RFX4: variants seen among roughly 807,000 people sequenced by gnomAD.
RFX4 encodes the protein regulatory factor X4.
RFX4 carries 10 observed loss-of-function variants against 95.0 expected under a neutral mutation model. That is an observed-to-expected ratio of 0.11 (90% confidence interval 0.06 to 0.18). The LOEUF (loss-of-function observed/expected upper bound fraction) is 0.18. Ranked by LOEUF, RFX4 falls within the 10% of genes least tolerant of loss-of-function variation. RFX4 has a pLI of 1.00. For synonymous variants in RFX4, 321 were observed against 340.7 expected (o/e 0.94, Z 0.64); for missense variants, 640 against 922.0 (o/e 0.69, Z 3.96).
intron 2 of RFX4, among the ~76,000 whole-genome samples, chr12:106,626,303 G>A (rs1173302369): frequency 6.6e-6 from 1 of 152,200 alleles, no homozygotes; most frequent in Non-Finnish European, 1.5e-5. Flanking sequence ...CTCTGGGGAA[G>A]GCATCTTGGA....
At chr12:106,621,010 C>G (rs1427194319) in intron 2 of RFX4, among the ~76,000 whole-genome samples, 2 of 152,094 alleles carry the variant, frequency 1.3e-5, no homozygotes, top group Non-Finnish European at 1.5e-5. Context: ...GTTGTCTTCC[C>G]TTGTTCCCTA....
intron 17 of RFX4, among the ~76,000 whole-genome samples, chr12:106,753,882 C>A (rs1250351274): frequency 6.6e-6 from 1 of 152,168 alleles, no homozygotes; most frequent in Admixed American, 6.5e-5. Flanking sequence ...AAGATCAGAG[C>A]TATGATTAAG....
chr12:106,629,488 T>G (rs536763947), intron 2 of RFX4, among the ~76,000 whole-genome samples: 1 of 152,110 alleles, frequency 6.6e-6, no homozygotes, highest in African/African-American at 2.4e-5. Context: ...TTTTGTTTTG[T>G]TTTTGTTTTT....
chr12:106,739,325 T>C (rs922372543), intron 15 of RFX4, among the ~76,000 whole-genome samples: 4 of 152,242 alleles, frequency 2.6e-5, no homozygotes, highest in African/African-American at 9.6e-5. Flanking sequence ...GCCAGTCAAG[T>C]ACCTGGGACT....
chr12:106,625,660 G>T (rs973042932), intron 2 of RFX4, among the ~76,000 whole-genome samples: 1 of 152,180 alleles, frequency 6.6e-6, no homozygotes, highest in Admixed American at 6.5e-5. Context: ...TTCTGCAAAA[G>T]TTGGGCCCAG....
intron 3 of RFX4, among the ~76,000 whole-genome samples, chr12:106,648,354 C>G (rs1156367809): frequency 2.0e-5 from 3 of 152,004 alleles, no homozygotes; most frequent in Non-Finnish European, 4.4e-5. Flanking sequence ...AAGAGGTATA[C>G]GTGTGGGAAA....
rs117873558 is a variant in RFX4 at position 106,691,048 on chromosome 12, A to G, written c.669+1684A>G. Among the ~76,000 whole-genome samples, 381 of 152,340 alleles carry G rather than the reference A, an allele frequency of 2.5e-3. 6 individuals are homozygous for G. The East Asian group carries it at 0.044, about 18-fold the overall frequency. On this transcript the variant is annotated intron_variant, in intron 7 of 17. Transcript: ENST00000392842. Reference sequence around the variant, plus strand: ...GGAAGGCATGTAACCAGCAACTAGGATGCAGAATATATGGTGAGAGGTCCA... The same window carrying G: ...GGAAGGCATGTAACCAGCAACTAGGGTGCAGAATATATGGTGAGAGGTCCA...
At chr12:106,614,483 G>GTGTGTA (rs1565950516) in intron 2 of RFX4, among the ~76,000 whole-genome samples, 1 of 131,244 alleles carries the variant, frequency 7.6e-6, no homozygotes, top group Non-Finnish European at 1.5e-5. Context: ...TTGCCTGTGT[G>GTGTGTA]TGTGTGTGTG....
chr12:106,584,327 C>A (rs1370831326), intron 1 of RFX4, among the ~76,000 whole-genome samples: 1 of 152,180 alleles, frequency 6.6e-6, no homozygotes, highest in African/African-American at 2.4e-5. Flanking sequence ...ACCCCCTCCC[C>A]TAGGCTCATT....
At chr12:106,666,160 G>C (rs1406870894) in intron 4 of RFX4, among the ~76,000 whole-genome samples, 1 of 151,886 alleles carries the variant, frequency 6.6e-6, no homozygotes, top group Non-Finnish European at 1.5e-5. Context: ...CAGAAACTTA[G>C]GTTGGTAGGT....
chr12:106,715,565 T>C, intron 11 of RFX4, 21 bp downstream of exon 11: 2 of 1,608,688 alleles, frequency 1.2e-6, no homozygotes, highest in Non-Finnish European at 1.7e-6. Flanking sequence ...CCACCAGGGA[T>C]TGTTGTCCTG....
At chr12:106,678,476 A>G (rs2041440976) in intron 4 of RFX4, among the ~76,000 whole-genome samples, 1 of 152,240 alleles carries the variant, frequency 6.6e-6, no homozygotes, top group African/African-American at 2.4e-5. Context: ...TTATGTTTTT[A>G]AAAAAGGAAA....
chr12:106,707,142 T>C (rs929257050), intron 8 of RFX4, among the ~76,000 whole-genome samples: 1 of 152,180 alleles, frequency 6.6e-6, no homozygotes, highest in Admixed American at 6.5e-5. Flanking sequence ...AGGTTTATTA[T>C]ACTACCTGTC....
intron 7 of RFX4, among the ~76,000 whole-genome samples, chr12:106,692,239 G>A (rs187700674): frequency 6.6e-6 from 1 of 151,998 alleles, no homozygotes; most frequent in South Asian, 2.1e-4. Context: ...AAGCTGTAAA[G>A]TTCAGTAGTC....
chr12:106,747,938 A>AAG lies in RFX4; in HGVS notation c.1796+340_1796+341insGA, dbSNP rs1017840962. On this transcript the variant is annotated intron_variant, in intron 16 of 17. Transcript: ENST00000392842. Reference sequence around the variant, plus strand: ...GCGAGACGCCGTCTTAAAAAAAAAAAAAAAAGAAAAAGAAAAAAGATCTAA... The same window carrying AAG: ...GCGAGACGCCGTCTTAAAAAAAAAAAAGAAAAAGAAAAAGAAAAAAGATCTAA... 2.6e-5 allele frequency among the ~76,000 whole-genome samples: 4 copies of AAG among 151,684 alleles called. No individual in the cohort carries two copies. The South Asian group carries it at 6.3e-4, about 24-fold the overall frequency.
intron 8 of RFX4, among the ~76,000 whole-genome samples, chr12:106,704,149 T>C (rs376823582): frequency 7.1e-4 from 105 of 147,274 alleles, no homozygotes; most frequent in Middle Eastern, 3.6e-3. Flanking sequence ...AGGACTCGAA[T>C]ATTCATTCAA....
chr12:106,727,507 A>G (rs1375523562), intron 13 of RFX4, among the ~76,000 whole-genome samples: 1 of 152,226 alleles, frequency 6.6e-6, no homozygotes, highest in Admixed American at 6.5e-5. Context: ...ATGAAATAGA[A>G]GAATTAGAAA....
intron 8 of RFX4, among the ~76,000 whole-genome samples, chr12:106,696,999 C>T (rs539523720): frequency 6.6e-5 from 10 of 152,160 alleles, no homozygotes; most frequent in Admixed American, 3.3e-4. Flanking sequence ...CCACACAGGG[C>T]GCTTCTCAGG....
intron 1 of RFX4, chr12:106,583,573 C>A: frequency 2.3e-6 from 1 of 430,654 alleles, no homozygotes; most frequent in Non-Finnish European, 4.0e-6. Flanking sequence ...TGATTGTGTA[C>A]GTGTGTGAGT....
Sources: gnomAD v4.1 joint callset for allele counts (sites outside exome capture counted in the v4.1 genomes callset) on GRCh38, gnomAD v4.1.1 for gene constraint, MANE v1.5 for transcripts, NCBI Gene and HGNC (gene_info 2026-07-23, HGNC 2026-07-21) for gene names.